The following MAP1B variants were observed in gnomAD, a reference collection of about 807,000 sequenced individuals.
MAP1B encodes the protein microtubule associated protein 1B.
Under a neutral mutation model 176.1 loss-of-function variants are expected in MAP1B, and 12 were observed. That is an observed-to-expected ratio of 0.07 (90% CI 0.04 to 0.11). MAP1B has a LOEUF of 0.11. Ranked by LOEUF, MAP1B falls within the 10% of genes least tolerant of loss-of-function variation. MAP1B has a pLI of 1.00. For missense variants in MAP1B, 2,523 were observed against 2,990.5 expected, an observed-to-expected ratio of 0.84 and a Z score of 3.65; for synonymous variants, 1,044 against 1,135.0, an observed-to-expected ratio of 0.92 and a Z score of 1.61.
intron 3 of MAP1B, among the ~76,000 whole-genome samples, chr5:72,184,206 G>T (rs910044266): frequency 6.6e-5 from 10 of 152,168 alleles, no homozygotes; most frequent in Non-Finnish European, 1.2e-4. Context: ...GAGAAGAATG[G>T]CATCTCAAGA....
intron 2 of MAP1B, among the ~76,000 whole-genome samples, chr5:72,146,720 C>G (rs569647625): frequency 4.6e-5 from 7 of 152,282 alleles, no homozygotes; most frequent in South Asian, 4.1e-4. Context: ...TGAAGACCCT[C>G]AAATACCACT....
intron 2 of MAP1B, among the ~76,000 whole-genome samples, chr5:72,122,621 A>G (rs2112130037): frequency 6.6e-6 from 1 of 151,256 alleles, no homozygotes; most frequent in African/African-American, 2.4e-5. Flanking sequence ...AGACCACCCT[A>G]GAAATACCTA....
In MAP1B at chr5:72,198,983, G is replaced by A; in HGVS notation, c.5628G>A (p.Glu1876=). 1 of 1,614,150 alleles carries A rather than the reference G, an allele frequency of 6.2e-7. No individual in the cohort carries two copies. ...TTAGCTATGCCTATCAAAAGCCTGA[G>A]GAAACAACCAGGTCCCCAGATGAAG... ...GDFSYAYQKP[E]ETTRSPDEED... The change falls in exon 5 of 7, where the codon GAG becomes GAA. Residue 1876 remains glutamate (E), a synonymous_variant. Transcript: ENST00000296755.
chr5:72,110,012 C>T (rs1745295354), intron 1 of MAP1B, among the ~76,000 whole-genome samples: 1 of 152,206 alleles, frequency 6.6e-6, no homozygotes, highest in Non-Finnish European at 1.5e-5. Context: ...CCTGCCTTTA[C>T]TCGTTTTTAC....
chr5:72,113,890 G>T (rs763123076), intron 1 of MAP1B, among the ~76,000 whole-genome samples: 3 of 152,168 alleles, frequency 2.0e-5, no homozygotes, highest in Non-Finnish European at 4.4e-5. Context: ...GAAACAAAAA[G>T]AACCCATTTA....
chr5:72,187,930 AAC>A (rs1165079954), intron 4 of MAP1B, among the ~76,000 whole-genome samples: 1 of 152,194 alleles, frequency 6.6e-6, no homozygotes, highest in Non-Finnish European at 1.5e-5. Context: ...TGCATCTTGA[AAC>A]ACATACCAGG....
At chr5:72,151,077 T>TA (rs1271746504) in intron 2 of MAP1B, among the ~76,000 whole-genome samples, 1 of 152,160 alleles carries the variant, frequency 6.6e-6, no homozygotes, top group Admixed American at 6.5e-5. Flanking sequence ...CTGCAGGCTG[T>TA]ACAAGAAGCC....
At chr5:72,162,651 C>T (rs1360049126) in intron 2 of MAP1B, among the ~76,000 whole-genome samples, 1 of 152,138 alleles carries the variant, frequency 6.6e-6, no homozygotes, top group Non-Finnish European at 1.5e-5. Context: ...TCTGTCACCT[C>T]GGTGGAGTCC....
chr5:72,147,255 C>T (rs1307765033), intron 2 of MAP1B, among the ~76,000 whole-genome samples: 1 of 152,036 alleles, frequency 6.6e-6, no homozygotes, highest in Non-Finnish European at 1.5e-5. Context: ...AGGCGTGAGC[C>T]ACTGTTTCTG....
intron 2 of MAP1B, among the ~76,000 whole-genome samples, chr5:72,180,150 CAGAA>C (rs1357508224): frequency 1.3e-5 from 2 of 152,282 alleles, no homozygotes; most frequent in Non-Finnish European, 1.5e-5. Flanking sequence ...AGGATCACTT[CAGAA>C]AGAAAGAGGC....
chr5:72,197,536 T>C lies in MAP1B; in HGVS notation c.4181T>C (p.Val1394Ala). The C allele has an allele frequency of 6.2e-7, 1 of 1,614,106 alleles. No individual in the cohort carries two copies. The highest frequency in any genetic ancestry group is 8.5e-7 in the Non-Finnish European group (1 of 1,180,016). Residue 1394 changes from valine (V) to alanine (A), a missense_variant, in exon 5 of 7, where the codon GTT becomes GCT. Around this residue, in one of 4 missense-constraint regions of MAP1B, gnomAD observed 1,925 missense variants for 2,126.0 expected, o/e 0.91. Transcript: ENST00000296755. ...GACTCAGAGTCTCCTATTGAAAAAG[T>C]TTTGTCTCCTTTACGCAGCCCGCCC... ...VPDSESPIEK[V>A]LSPLRSPPLI...
In MAP1B at chr5:72,107,627, C is replaced by T. The variant is rs150109655; in HGVS notation, c.96C>T (p.Phe32=). ...CCTCGCCTAGCCTGTCGCACCGCTTCCTTGACAGCAAGTTCTACTTGCTGG... is the reference window on the plus strand; with the variant it reads ...CCTCGCCTAGCCTGTCGCACCGCTTTCTTGACAGCAAGTTCTACTTGCTGG... ...ASTSPSLSHR[F]LDSKFYLLVV... Residue 32 remains phenylalanine (F), a synonymous_variant, in exon 1 of 7, where the codon TTC becomes TTT. Transcript: ENST00000296755. 1.0e-4 allele frequency: 167 copies of T among 1,600,356 alleles called. No individual in the cohort carries two copies. In the African/African-American group the frequency reaches 1.9e-3, roughly 19 times the overall value.
chr5:72,188,856 A>G (rs1746967076), intron 4 of MAP1B, among the ~76,000 whole-genome samples: 1 of 152,220 alleles, frequency 6.6e-6, no homozygotes, highest in Non-Finnish European at 1.5e-5. Flanking sequence ...CATTATGGTC[A>G]GAGACCATGT....
intron 2 of MAP1B, among the ~76,000 whole-genome samples, chr5:72,139,605 A>C (rs1011180714): frequency 1.1e-4 from 16 of 152,224 alleles, no homozygotes; most frequent in African/African-American, 3.9e-4. Flanking sequence ...TCGTTTTTTA[A>C]TAATAAGTTG....
At chr5:72,200,690 G>C (rs1187696305) in intron 5 of MAP1B, among the ~76,000 whole-genome samples, 1 of 152,088 alleles carries the variant, frequency 6.6e-6, no homozygotes, top group African/African-American at 2.4e-5. Flanking sequence ...GGTGCTTCTG[G>C]AAGACTGGTT....
Position 72,154,783 on chromosome 5 carries a change from A to G in MAP1B, c.287-28960A>G, listed in dbSNP as rs187152003. On this transcript the variant is annotated intron_variant, in intron 2 of 6. Transcript: ENST00000296755. ...GATTCCAGTAGGCACTGAGCATCTC[A>G]CTGGTTCCTCTGTGTGCATTTTTCC... Among the ~76,000 whole-genome samples the G allele has an allele frequency of 5.9e-5, 9 of 152,294 alleles. No individual in the cohort carries two copies. The East Asian group carries it at 1.7e-3, about 29-fold the overall frequency.
At chr5:72,165,440 G>A (rs1426244253) in intron 2 of MAP1B, among the ~76,000 whole-genome samples, 1 of 152,150 alleles carries the variant, frequency 6.6e-6, no homozygotes, top group African/African-American at 2.4e-5. Context: ...AATTTAAAAT[G>A]TTGTACATCA....
At chr5:72,179,202 T>C (rs575283408) in intron 2 of MAP1B, among the ~76,000 whole-genome samples, 2 of 152,270 alleles carry the variant, frequency 1.3e-5, no homozygotes, top group African/African-American at 2.4e-5. Context: ...GGGGAAGCCC[T>C]CAAAGACTTT....
Position 72,196,409 on chromosome 5 carries a change from G to A in MAP1B, c.3054G>A (p.Glu1018=), listed in dbSNP as rs776040792. The A allele has an allele frequency of 6.2e-7, 1 of 1,613,988 alleles. No individual in the cohort carries two copies. The highest frequency in any genetic ancestry group is 8.5e-7 in the Non-Finnish European group (1 of 1,180,032). Residue 1018 remains glutamate, a synonymous_variant, in exon 5 of 7, where the codon GAG becomes GAA. Coordinates refer to ENST00000296755, the MANE Select transcript of MAP1B (RefSeq NM_005909.5). The surrounding 1 kb of genome is among the most constrained non-coding windows in gnomAD (Gnocchi z 5.3). ...IEKGEAEQSE[E]EADEEDKAED... ...AAGGAGAGGCTGAACAATCTGAAGAGGAGGCTGATGAGGAGGACAAAGCTG... is the reference window on the plus strand; with the variant it reads ...AAGGAGAGGCTGAACAATCTGAAGAAGAGGCTGATGAGGAGGACAAAGCTG...
Sources: allele counts gnomAD v4.1 joint callset (sites outside exome capture counted in the v4.1 genomes callset), GRCh38; gene constraint gnomAD v4.1.1; regional missense constraint gnomAD v4.1.1; non-coding constraint Gnocchi (gnomAD v3.1); transcripts MANE v1.5; gene names NCBI Gene and HGNC (gene_info 2026-07-23, HGNC 2026-07-21).